The following PXDNL variants were observed in gnomAD, a reference collection of about 807,000 sequenced individuals.
PXDNL encodes peroxidasin like, also known as probable oxidoreductase PXDNL.
PXDNL carries 145 observed loss-of-function variants against 150.8 expected under a neutral mutation model. The observed-to-expected ratio is 0.96, with a 90% CI of 0.84 to 1.10. The LOEUF is 1.10. PXDNL is among the 50% of genes least tolerant of loss of function. The probability of loss-of-function intolerance (pLI) is 0.00; values close to 1 mark genes in which losing one functional copy is unlikely to be tolerated. For missense variants in PXDNL, 2,087 were observed against 1,873.9 expected (o/e 1.11, Z -2.10); for synonymous variants, 757 against 725.7 (o/e 1.04, Z -0.69).
intron 7 of PXDNL, among the ~76,000 whole-genome samples, chr8:51,473,731 CTTAATGTCTAAT>C (rs1198888266): frequency 3.5e-5 from 5 of 141,662 alleles, no homozygotes; most frequent in African/African-American, 1.4e-4. Context: ...TACCCTAAAA[CTTAATGTCTAAT>C]TTAAAAAAAA....
At chr8:51,542,806 T>A (rs557769963) in intron 4 of PXDNL, among the ~76,000 whole-genome samples, 1 of 147,662 alleles carries the variant, frequency 6.8e-6, no homozygotes, top group Non-Finnish European at 1.5e-5. Flanking sequence ...CGAGACTCCA[T>A]CTCAAAAAAA....
At chr8:51,695,856 C>G (rs1419169140) in intron 1 of PXDNL, among the ~76,000 whole-genome samples, 2 of 152,218 alleles carry the variant, frequency 1.3e-5, no homozygotes, top group Non-Finnish European at 2.9e-5. Flanking sequence ...ATCTCTAACT[C>G]CATGCTCCCT....
intron 1 of PXDNL, among the ~76,000 whole-genome samples, chr8:51,757,793 G>A (rs1162076390): frequency 2.0e-5 from 3 of 152,262 alleles, no homozygotes; most frequent in South Asian, 4.1e-4. Flanking sequence ...AATGTAAGCA[G>A]ATTGCCTCTG....
chr8:51,676,255 T>A (rs1300692973), intron 1 of PXDNL, among the ~76,000 whole-genome samples: 1 of 152,100 alleles, frequency 6.6e-6, no homozygotes, highest in Non-Finnish European at 1.5e-5. Context: ...GTGTCCATTT[T>A]CTCTGTGGTT....
chr8:51,612,919 G>T (rs1306820903), intron 2 of PXDNL, among the ~76,000 whole-genome samples: 2 of 152,204 alleles, frequency 1.3e-5, no homozygotes, highest in Non-Finnish European at 2.9e-5. Context: ...CTGAACCTTT[G>T]TAAGAGTCCC....
At chr8:51,617,131 G>T (rs1265625130) in intron 2 of PXDNL, among the ~76,000 whole-genome samples, 1 of 152,136 alleles carries the variant, frequency 6.6e-6, no homozygotes, top group Non-Finnish European at 1.5e-5. Context: ...TTGAGAGGAA[G>T]AAATGAAAAA....
intron 1 of PXDNL, among the ~76,000 whole-genome samples, chr8:51,794,734 G>T (rs35314611): frequency 0.062 from 9,382 of 152,102 alleles, 378 homozygotes; most frequent in Non-Finnish European, 0.088. Context: ...CAATGACACT[G>T]TGAAGCAACT....
chr8:51,701,091 A>G (rs903177709), intron 1 of PXDNL, among the ~76,000 whole-genome samples: 13 of 152,212 alleles, frequency 8.5e-5, no homozygotes, highest in Admixed American at 8.5e-4. Flanking sequence ...AAGCTTCCTA[A>G]CATTGAACAT....
intron 1 of PXDNL, among the ~76,000 whole-genome samples, chr8:51,801,863 G>A (rs983916538): frequency 2.6e-5 from 4 of 152,186 alleles, no homozygotes; most frequent in Non-Finnish European, 5.9e-5. Flanking sequence ...GAACTGGTAA[G>A]CTGTTGGGAA....
chr8:51,406,729 G>A (rs900381745), intron 17 of PXDNL, among the ~76,000 whole-genome samples: 2 of 152,184 alleles, frequency 1.3e-5, no homozygotes, highest in Non-Finnish European at 2.9e-5. Context: ...TGTGCTCACA[G>A]CATTTAATCG....
At chr8:51,751,080 C>CA (rs11420214) in intron 1 of PXDNL, among the ~76,000 whole-genome samples, 148,044 of 152,272 alleles carry the variant, frequency 0.97, 72,106 homozygotes, top group East Asian at 1. Flanking sequence ...TGCTTTCAGA[C>CA]ATTGCAAAGA....
intron 21 of PXDNL, among the ~76,000 whole-genome samples, chr8:51,332,747 G>A (rs551609887): frequency 5.9e-5 from 9 of 152,160 alleles, no homozygotes; most frequent in African/African-American, 1.4e-4. Context: ...TTCAGGCCTC[G>A]AAGACAAGGT....
At chr8:51,592,597 A>C in intron 3 of PXDNL, 30 bp downstream of exon 3, 1 of 1,378,252 alleles carries the variant, frequency 7.3e-7, no homozygotes, top group Non-Finnish European at 1.0e-6. Context: ...ACAACACCAT[A>C]AGGCATTGTT....
chr8:51,790,586 T>C (rs980580277), intron 1 of PXDNL, among the ~76,000 whole-genome samples: 4 of 152,110 alleles, frequency 2.6e-5, no homozygotes, highest in African/African-American at 9.6e-5. Context: ...GGCACAGAGA[T>C]TCCAGGATCC....
At chr8:51,339,815 T>A (rs1015731460) in intron 20 of PXDNL, 62 bp from the exon 21 acceptor site, 13 of 1,521,012 alleles carry the variant, frequency 8.5e-6, no homozygotes, top group Non-Finnish European at 1.2e-5. Flanking sequence ...AATTTTAAAA[T>A]ATCATCAAAT....
intron 3 of PXDNL, among the ~76,000 whole-genome samples, chr8:51,574,420 G>C (rs966224198): frequency 6.6e-6 from 1 of 151,674 alleles, no homozygotes; most frequent in Non-Finnish European, 1.5e-5. Flanking sequence ...TCAGGGACTT[G>C]TGTGACCATA....
At chr8:51,571,227 A>T (rs1196483520) in intron 3 of PXDNL, among the ~76,000 whole-genome samples, 3 of 151,882 alleles carry the variant, frequency 2.0e-5, no homozygotes, top group Non-Finnish European at 4.4e-5. Context: ...TTGTTCTACA[A>T]CAATCAAAGC....
At chr8:51,602,845 T>C (rs1400731754) in intron 2 of PXDNL, among the ~76,000 whole-genome samples, 1 of 151,710 alleles carries the variant, frequency 6.6e-6, no homozygotes, top group African/African-American at 2.4e-5. Flanking sequence ...TATACAGATG[T>C]TTTAAATTTT....
intron 7 of PXDNL, among the ~76,000 whole-genome samples, 178 bp from the exon 8 acceptor site, chr8:51,472,482 T>C (rs963727048): frequency 3.9e-5 from 6 of 152,246 alleles, no homozygotes; most frequent in African/African-American, 1.4e-4. Flanking sequence ...ATTTGACTTA[T>C]ACTTTAGAAG....
Sources: allele counts gnomAD v4.1 joint callset (sites outside exome capture counted in the v4.1 genomes callset), GRCh38; gene constraint gnomAD v4.1.1; transcripts MANE v1.5; gene names NCBI Gene and HGNC (gene_info 2026-07-23, HGNC 2026-07-21).